Variants in TRAPPC3 observed in about 807,000 individuals in gnomAD.
TRAPPC3 encodes the protein trafficking protein particle complex subunit 3.
Under a neutral mutation model 18.2 loss-of-function variants are expected in TRAPPC3, and 5 were observed. The observed-to-expected ratio is 0.28, with a 90% CI of 0.14 to 0.58. TRAPPC3 has a LOEUF of 0.58. Among genes scored for constraint, TRAPPC3 ranks in the 20% least tolerant of loss-of-function variants. TRAPPC3 has a pLI of 0.91. For missense variants in TRAPPC3, 176 were observed against 225.9 expected (o/e 0.78, Z 1.41); for synonymous variants, 65 against 84.2 (o/e 0.77, Z 1.25).
At chr1:36,144,935 T>C (rs375718436) in intron 1 of TRAPPC3, among the ~76,000 whole-genome samples, 1 of 152,300 alleles carries the variant, frequency 6.6e-6, no homozygotes, top group East Asian at 1.9e-4. Flanking sequence ...TACACTCAGG[T>C]GAGACACCAC....
rs185267023 is a variant in TRAPPC3 at position 36,146,024 on chromosome 1, C to G, written c.42+3313G>C. On this transcript the variant is annotated intron_variant, in intron 1 of 4. Coordinates refer to ENST00000373166, the MANE Select transcript of TRAPPC3 (RefSeq NM_014408.5). ...CGATCTCCTGACCTCGTGATCCACC[C>G]GCCCTGGCCTCCCAAAGTGCTGGGA... Among the ~76,000 whole-genome samples the G allele has an allele frequency of 3.8e-3, 575 of 152,118 alleles. 2 individuals are homozygous for G. The highest frequency in any genetic ancestry group is 0.013 in the African/African-American group (544 of 41,506).
At chr1:36,140,314 A>G (rs1335364134) in intron 1 of TRAPPC3, 148 bp from the exon 2 acceptor site, 3 of 531,492 alleles carry the variant, frequency 5.6e-6, no homozygotes, top group African/African-American at 3.9e-5. Context: ...GGAGCCAGGA[A>G]ATTTGGCCTG....
chr1:36,139,787 T>C lies in TRAPPC3; in HGVS notation c.173A>G (p.Asp58Gly). The stretch of plus-strand genomic sequence containing the variant: ...CCCAACATTTGACCGAGCCAAGAAA[T>C]CTTCAATCAGCCGGACTCCAATGTT... ...GFNIGVRLIE[D>G]FLARSNVGRC... Residue 58 changes from aspartate (D) to glycine (G), a missense_variant, in exon 3 of 5, where the codon GAT (aspartate) becomes GGT (glycine). By Grantham distance (94) the Asp-to-Gly change is moderately conservative. Transcript: ENST00000373166. 1 of 1,614,048 alleles carries C rather than the reference T, an allele frequency of 6.2e-7. No individual in the cohort carries two copies. The highest frequency in any genetic ancestry group is 8.5e-7 in the Non-Finnish European group (1 of 1,180,016).
rs1446302489 is a variant in TRAPPC3, at chr1:36,147,536, T to C, written c.42+1801A>G. Among the ~76,000 whole-genome samples the C allele has an allele frequency of 4.0e-5, 6 of 150,710 alleles. 1 individual carries two copies. Among genetic ancestry groups the C allele is most frequent in the African/African-American group, 1.5e-4 (6 of 40,952 alleles). ...GTGCACACCTATAGTACCAGCTACT[T>C]GGGAGGCTGAGGCGGGAGGACTGCT... On this transcript the variant is annotated intron_variant, in intron 1 of 4. Transcript: ENST00000373166.
upstream of TRAPPC3, among the ~76,000 whole-genome samples, chr1:36,150,344 G>T (rs750195071): frequency 3.3e-4 from 50 of 152,230 alleles, no homozygotes; most frequent in Non-Finnish European, 1.5e-4. Context: ...CCAGAAACAC[G>T]AAGGGAATGT....
upstream of TRAPPC3, among the ~76,000 whole-genome samples, chr1:36,151,018 CAAG>C (rs1644266897): frequency 2.0e-5 from 3 of 152,208 alleles, no homozygotes; most frequent in Admixed American, 2.0e-4. Flanking sequence ...TGCCTGCTGT[CAAG>C]CAGGGCGGTT....
At chr1:36,141,912 C>T (rs924498752) in intron 1 of TRAPPC3, among the ~76,000 whole-genome samples, 5 of 131,100 alleles carry the variant, frequency 3.8e-5, no homozygotes, top group Non-Finnish European at 7.7e-5. Flanking sequence ...GAGCCAAGAT[C>T]ACGCCACTGC....
At chr1:36,137,619 G>A (rs1039236933) in intron 4 of TRAPPC3, 177 bp downstream of exon 4, 12 of 705,890 alleles carry the variant, frequency 1.7e-5, no homozygotes, top group Middle Eastern at 8.2e-4. Context: ...CTGGTATGGA[G>A]GAGTATCACC....
At chr1:36,151,027 C>T (rs982243924), upstream of TRAPPC3, among the ~76,000 whole-genome samples, 5 of 152,188 alleles carry the variant, frequency 3.3e-5, no homozygotes, top group African/African-American at 1.2e-4. Flanking sequence ...TCAAGCAGGG[C>T]GGTTCTAGAG....
Position 36,142,394 on chromosome 1 carries a change from T to C in TRAPPC3, c.43-2228A>G, listed in dbSNP as rs78134915. On this transcript the variant is annotated intron_variant, in intron 1 of 4. Coordinates refer to ENST00000373166, the MANE Select transcript of TRAPPC3 (RefSeq NM_014408.5). ...GTCCAGAGAATTGGCACCACTGCAT[T>C]AAATCAGGAGAGCTTTCATTCCATT... Among the ~76,000 whole-genome samples, 409 of 152,322 alleles carry C rather than the reference T, an allele frequency of 2.7e-3. 3 individuals carry two copies. The highest frequency in any genetic ancestry group is 9.4e-3 in the African/African-American group (390 of 41,564).
At chr1:36,142,828 G>A (rs535728635) in intron 1 of TRAPPC3, among the ~76,000 whole-genome samples, 3 of 152,066 alleles carry the variant, frequency 2.0e-5, no homozygotes, top group East Asian at 3.9e-4. Flanking sequence ...CCAGGAATTT[G>A]AGACCAGCCT....
chr1:36,147,761 G>A (rs1051861391), intron 1 of TRAPPC3, among the ~76,000 whole-genome samples: 65 of 152,186 alleles, frequency 4.3e-4, no homozygotes, highest in African/African-American at 1.5e-3. Context: ...GCAGGAGTGG[G>A]CTAAGTGACT....
In TRAPPC3 at chr1:36,147,479, C is replaced by CA. The variant is rs11355573; in HGVS notation, c.42+1857dup. ...CAACACAGGGAGACCCCTAGCTCTA[C>CA]AAAAAAAAAAAAAAATTAGCCAGGC... is the stretch of plus-strand genomic sequence containing the variant. On this transcript the variant is annotated intron_variant, in intron 1 of 4. Coordinates refer to ENST00000373166, the MANE Select transcript of TRAPPC3 (RefSeq NM_014408.5). 7.2e-4 allele frequency among the ~76,000 whole-genome samples: 99 copies of CA among 137,748 alleles called. 1 individual carries two copies. The South Asian group carries it at 9.4e-3, about 13-fold the overall frequency. 90.4% of individuals were successfully genotyped at this position (137,748 alleles called of 152,430 possible).
intron 1 of TRAPPC3, among the ~76,000 whole-genome samples, chr1:36,143,743 TG>T (rs1393155120): frequency 7.2e-5 from 11 of 152,206 alleles, no homozygotes; most frequent in Non-Finnish European, 1.3e-4. Flanking sequence ...GTTAAGTAAC[TG>T]AGACTCAACA....
upstream of TRAPPC3, among the ~76,000 whole-genome samples, chr1:36,150,520 G>T (rs1393648487): frequency 6.6e-6 from 1 of 152,176 alleles, no homozygotes; most frequent in Non-Finnish European, 1.5e-5. Context: ...GACTGTAGCA[G>T]CTGCATTCTG....
chr1:36,149,322 C>A lies in TRAPPC3; in HGVS notation c.42+15G>T. ...AATTTCGCCCCGCCCGCCGAGGTCA[C>A]GCGCTCCAAGTTACCATTTTCTTGC... is the stretch of plus-strand genomic sequence containing the variant. On this transcript the variant is annotated intron_variant, in intron 1 of 4. Transcript: ENST00000373166. The A allele has an allele frequency of 6.2e-7, 1 of 1,613,672 alleles. No individual in the cohort carries two copies. Among genetic ancestry groups the A allele is most frequent in the Non-Finnish European group, 8.5e-7 (1 of 1,179,836 alleles).
chr1:36,138,310 G>C, intron 3 of TRAPPC3: 1 of 1,509,354 alleles, frequency 6.6e-7, no homozygotes, highest in South Asian at 1.2e-5. Flanking sequence ...CTAGTCTTTC[G>C]ACACGGTGGC....
At chr1:36,148,665 T>C (rs1218080514) in intron 1 of TRAPPC3, among the ~76,000 whole-genome samples, 1 of 152,170 alleles carries the variant, frequency 6.6e-6, no homozygotes, top group African/African-American at 2.4e-5. Flanking sequence ...TCCAACTTTA[T>C]AGGACCATAT....
upstream of TRAPPC3, among the ~76,000 whole-genome samples, chr1:36,153,696 C>G (rs1345638074): frequency 1.3e-5 from 2 of 152,168 alleles, no homozygotes; most frequent in African/African-American, 4.8e-5. Flanking sequence ...CGCCCACCGC[C>G]GTATGTCTCT....
Sources: gnomAD v4.1 joint callset for allele counts (sites outside exome capture counted in the v4.1 genomes callset) on GRCh38, gnomAD v4.1.1 for gene constraint, MANE v1.5 for transcripts, NCBI Gene and HGNC (gene_info 2026-07-23, HGNC 2026-07-21) for gene names.